The following SDHAF3 variants were observed in gnomAD, a reference collection of about 807,000 sequenced individuals.
SDHAF3 encodes succinate dehydrogenase assembly factor 3, mitochondrial.
SDHAF3 carries 18 observed loss-of-function variants against 11.5 expected under a neutral mutation model. The observed-to-expected ratio is 1.56, with a 90% CI of 1.08 to 2.32. SDHAF3 has a LOEUF of 2.32. SDHAF3 is among the 30% of genes most tolerant of loss of function. The pLI is 0.00. For synonymous variants in SDHAF3, 72 were observed against 59.3 expected (o/e 1.21, Z -0.99); for missense variants, 200 against 154.4 (o/e 1.30, Z -1.57).
intron 1 of SDHAF3, among the ~76,000 whole-genome samples, chr7:97,165,376 T>TTG (rs2115727169): frequency 1.3e-5 from 2 of 150,900 alleles, no homozygotes; most frequent in South Asian, 4.2e-4. Context: ...TTTTTTTTTT[T>TTG]TGCTTGTTTT....
At chr7:97,134,570 C>G (rs1367865044) in intron 1 of SDHAF3, among the ~76,000 whole-genome samples, 1 of 152,120 alleles carries the variant, frequency 6.6e-6, no homozygotes, top group Non-Finnish European at 1.5e-5. Context: ...CCTCAGCCCC[C>G]CAAGTAGCTG....
intron 1 of SDHAF3, among the ~76,000 whole-genome samples, chr7:97,171,841 T>A (rs746742492): frequency 6.6e-6 from 1 of 152,110 alleles, no homozygotes; most frequent in Admixed American, 6.6e-5. Flanking sequence ...GAGCAAATAC[T>A]AGATATGTGA....
intron 1 of SDHAF3, chr7:97,136,306 C>T: frequency 2.0e-6 from 1 of 498,454 alleles, no homozygotes; most frequent in Non-Finnish European, 3.6e-6. Context: ...TTTGTGAATC[C>T]TTTTGAAAAG....
At chr7:97,146,505 T>G (rs1397861304) in intron 1 of SDHAF3, among the ~76,000 whole-genome samples, 1 of 152,186 alleles carries the variant, frequency 6.6e-6, no homozygotes, top group Non-Finnish European at 1.5e-5. Context: ...AAAATAATTG[T>G]TCTTGAGACA....
intron 1 of SDHAF3, among the ~76,000 whole-genome samples, chr7:97,123,697 G>A (rs567231086): frequency 1.4e-5 from 2 of 144,754 alleles, no homozygotes; most frequent in South Asian, 2.1e-4. Context: ...TCTAACTGGC[G>A]TGAGATGGTA....
intron 1 of SDHAF3, among the ~76,000 whole-genome samples, chr7:97,175,961 G>A (rs918674766): frequency 1.3e-5 from 2 of 152,176 alleles, no homozygotes; most frequent in Non-Finnish European, 2.9e-5. Context: ...TCAGCTTCTG[G>A]TGGATCCAGG....
At chr7:97,158,417 TC>T (rs781422390) in intron 1 of SDHAF3, among the ~76,000 whole-genome samples, 1 of 152,138 alleles carries the variant, frequency 6.6e-6, no homozygotes, top group Non-Finnish European at 1.5e-5. Context: ...AACCTCTGTC[TC>T]CCGGGTTCAA....
intron 1 of SDHAF3, among the ~76,000 whole-genome samples, chr7:97,173,580 TC>T: frequency 2.3e-3 from 1 of 438 alleles, no homozygotes; most frequent in Non-Finnish European, 9.4e-3. Context: ...AGAGTCTCAC[TC>T]TCTCTCTCTC....
At chr7:97,139,072 G>A (rs375552522) in intron 1 of SDHAF3, among the ~76,000 whole-genome samples, 12 of 152,362 alleles carry the variant, frequency 7.9e-5, no homozygotes, top group African/African-American at 2.4e-4. Flanking sequence ...TGGCCCTGCC[G>A]CTGCATCTCA....
At chr7:97,164,021 C>T (rs1789458356) in intron 1 of SDHAF3, among the ~76,000 whole-genome samples, 3 of 151,222 alleles carry the variant, frequency 2.0e-5, no homozygotes, top group Admixed American at 2.0e-4. Flanking sequence ...GATCGCAGGT[C>T]ACTGCAACCT....
At chr7:97,166,863 T>C (rs539590184) in intron 1 of SDHAF3, among the ~76,000 whole-genome samples, 20 of 152,330 alleles carry the variant, frequency 1.3e-4, no homozygotes, top group African/African-American at 4.3e-4. Context: ...TAATAATTGC[T>C]GTCTAAAAGT....
At chr7:97,123,940 T>G (rs902300620) in intron 1 of SDHAF3, among the ~76,000 whole-genome samples, 7 of 152,080 alleles carry the variant, frequency 4.6e-5, no homozygotes, top group African/African-American at 1.7e-4. Flanking sequence ...TCTCCCGTTC[T>G]GTAGGTTGCC....
intron 1 of SDHAF3, among the ~76,000 whole-genome samples, chr7:97,139,728 C>T (rs562766617): frequency 1.4e-3 from 219 of 152,338 alleles, no homozygotes; most frequent in African/African-American, 4.9e-3. Flanking sequence ...ACAAGAATTC[C>T]AGGTAAGAGT....
intron 1 of SDHAF3, among the ~76,000 whole-genome samples, chr7:97,126,647 C>T (rs185131803): frequency 2.6e-5 from 4 of 152,234 alleles, no homozygotes; most frequent in Non-Finnish European, 4.4e-5. Context: ...TGCCCCTCCC[C>T]CCACCAAGCT....
intron 1 of SDHAF3, among the ~76,000 whole-genome samples, chr7:97,169,893 CTT>C (rs570945805): frequency 6.6e-6 from 1 of 151,862 alleles, no homozygotes; most frequent in Non-Finnish European, 1.5e-5. Context: ...TTTCAAAAGC[CTT>C]TTTTGAGTTT....
intron 1 of SDHAF3, among the ~76,000 whole-genome samples, chr7:97,164,393 T>C (rs1440138714): frequency 6.6e-6 from 1 of 151,364 alleles, no homozygotes; most frequent in Non-Finnish European, 1.5e-5. Flanking sequence ...TTTTTTTTTT[T>C]TTTTTTCAGA....
intron 1 of SDHAF3, among the ~76,000 whole-genome samples, chr7:97,139,025 C>T (rs1464804569): frequency 6.6e-6 from 1 of 152,246 alleles, no homozygotes; most frequent in Non-Finnish European, 1.5e-5. Flanking sequence ...CATTCAGTCC[C>T]ACTGCCCTGC....
intron 1 of SDHAF3, among the ~76,000 whole-genome samples, chr7:97,130,270 TA>T (rs11410661): frequency 2.3e-3 from 284 of 122,678 alleles, no homozygotes; most frequent in Middle Eastern, 4.6e-3. Flanking sequence ...ATACCCAGTC[TA>T]AAAAAAAAAA....
chr7:97,154,523 T>C (rs1789273851), intron 1 of SDHAF3, among the ~76,000 whole-genome samples: 1 of 152,234 alleles, frequency 6.6e-6, no homozygotes, highest in South Asian at 2.1e-4. Flanking sequence ...TTCTAAATGC[T>C]AGTCCTTTGT....
Sources: allele counts gnomAD v4.1 joint callset (sites outside exome capture counted in the v4.1 genomes callset), GRCh38; gene constraint gnomAD v4.1.1; transcripts MANE v1.5; gene names NCBI Gene and HGNC (gene_info 2026-07-23, HGNC 2026-07-21).